The following SHISA9 variants were observed in gnomAD, a reference collection of about 807,000 sequenced individuals.
SHISA9 encodes protein shisa-9.
A neutral mutation model predicts 38.0 loss-of-function variants in SHISA9; 13 were observed. The ratio of observed to expected loss-of-function variants is 0.34; its 90% CI spans 0.22 to 0.54. SHISA9 has a LOEUF of 0.54. Among genes scored for constraint, SHISA9 ranks in the 20% least tolerant of loss-of-function variants. The pLI, the probability that SHISA9 is intolerant of heterozygous loss-of-function variation, is 0.91. For synonymous variants in SHISA9, 275 were observed against 242.0 expected (o/e 1.14, Z -1.27); for missense variants, 538 against 575.8 (o/e 0.93, Z 0.67).
chr16:12,963,167 C>T (rs982090668), intron 2 of SHISA9, among the ~76,000 whole-genome samples: 1 of 152,142 alleles, frequency 6.6e-6, no homozygotes, highest in Non-Finnish European at 1.5e-5. Flanking sequence ...ACTTTAAGTG[C>T]CATTTGTTCT....
chr16:13,449,941 C>T, the SHISA9 span, among the ~76,000 whole-genome samples: 15 of 152,162 alleles, frequency 9.9e-5, no homozygotes, highest in Non-Finnish European at 2.2e-4. Flanking sequence ...ATGGTGAAAC[C>T]CTGTCTCTAC....
At chr16:13,374,779 C>T in the SHISA9 span, among the ~76,000 whole-genome samples, 1 of 152,200 alleles carries the variant, frequency 6.6e-6, no homozygotes, top group Non-Finnish European at 1.5e-5. Flanking sequence ...TACAGTCCCA[C>T]CAACAGTGTA....
chr16:12,981,358 G>T (rs1269230063), intron 2 of SHISA9, among the ~76,000 whole-genome samples: 3 of 152,222 alleles, frequency 2.0e-5, no homozygotes, highest in African/African-American at 7.2e-5. Flanking sequence ...GTTTGCCCCA[G>T]GGCAATGGCA....
Position 13,105,595 on chromosome 16 carries a change from G to A in SHISA9, c.692-97799G>A, listed in dbSNP as rs751672277. On this transcript the variant is annotated intron_variant, in intron 2 of 4. Transcript: ENST00000558583. ...CTCCGGAGGAGGGAGGTCTTGGCCCGTGCCAGCAGGATGGCTATGAGTCTG... is the reference window on the plus strand; with the variant it reads ...CTCCGGAGGAGGGAGGTCTTGGCCCATGCCAGCAGGATGGCTATGAGTCTG... 5.9e-5 allele frequency among the ~76,000 whole-genome samples: 9 copies of A among 152,352 alleles called. No homozygotes were observed. The East Asian group carries it at 7.7e-4, about 13-fold the overall frequency.
At chr16:13,158,955 G>A (rs2050571637) in intron 2 of SHISA9, among the ~76,000 whole-genome samples, 1 of 149,644 alleles carries the variant, frequency 6.7e-6, no homozygotes, top group African/African-American at 2.5e-5. Flanking sequence ...AGCTACTCGC[G>A]AGGCTGAGGC....
intron 2 of SHISA9, among the ~76,000 whole-genome samples, chr16:13,117,097 C>T (rs142130698): frequency 0.018 from 2,729 of 152,228 alleles, 74 homozygotes; most frequent in African/African-American, 0.062. Context: ...CTCAGCCTCC[C>T]GAGTAGCTGG....
the SHISA9 span, among the ~76,000 whole-genome samples, chr16:13,489,943 T>C: frequency 1.0e-3 from 152 of 152,312 alleles, 1 homozygote; most frequent in Non-Finnish European, 1.7e-3. Context: ...ATTGCCTGTG[T>C]TGACACTGCA....
chr16:13,070,147 TGTGTGTGCAC>T (rs1004385307), intron 2 of SHISA9, among the ~76,000 whole-genome samples: 67 of 151,880 alleles, frequency 4.4e-4, no homozygotes, highest in African/African-American at 1.6e-3. Context: ...TGTGTGTGTG[TGTGTGTGCAC>T]GCATGTGTCT....
chr16:13,213,851 G>A (rs528371839), intron 4 of SHISA9, among the ~76,000 whole-genome samples: 4 of 152,302 alleles, frequency 2.6e-5, no homozygotes, highest in South Asian at 4.1e-4. Context: ...CCAGGTGGCA[G>A]CTATCATTAA....
chr16:13,144,421 G>A (rs1411381525), intron 2 of SHISA9, among the ~76,000 whole-genome samples: 1 of 152,024 alleles, frequency 6.6e-6, no homozygotes, highest in Non-Finnish European at 1.5e-5. Flanking sequence ...AAAGTGCTGG[G>A]ATTACAGGTG....
the SHISA9 span, among the ~76,000 whole-genome samples, chr16:13,260,065 G>A: frequency 8.4e-6 from 1 of 119,206 alleles, no homozygotes; most frequent in African/African-American, 3.3e-5. Context: ...CACCCAGGCT[G>A]GAGTGCAGTG....
chr16:13,057,940 T>TATTA (rs1395234022), intron 2 of SHISA9, among the ~76,000 whole-genome samples: 1 of 152,228 alleles, frequency 6.6e-6, no homozygotes, highest in African/African-American at 2.4e-5. Flanking sequence ...CTGAGGATAA[T>TATTA]GGCTTCAAGC....
At chr16:13,484,346 C>T in the SHISA9 span, among the ~76,000 whole-genome samples, 9 of 152,164 alleles carry the variant, frequency 5.9e-5, no homozygotes, top group African/African-American at 9.6e-5. Context: ...TTCACCTCTC[C>T]GAGCCTCGGT....
At chr16:13,321,114 G>C in the SHISA9 span, among the ~76,000 whole-genome samples, 1 of 152,136 alleles carries the variant, frequency 6.6e-6, no homozygotes, top group Non-Finnish European at 1.5e-5. Flanking sequence ...TTACTACATT[G>C]GACGGCACAT....
intron 2 of SHISA9, among the ~76,000 whole-genome samples, chr16:13,107,064 G>A (rs1042855446): frequency 6.6e-6 from 1 of 151,762 alleles, no homozygotes; most frequent in Non-Finnish European, 1.5e-5. Context: ...TTCGACAAAG[G>A]GGGTGTTTTA....
the SHISA9 span, among the ~76,000 whole-genome samples, chr16:13,311,042 A>T: frequency 2.6e-5 from 4 of 152,086 alleles, no homozygotes; most frequent in African/African-American, 4.8e-5. Flanking sequence ...GGATGATTTC[A>T]GGTTGTAAGC....
the SHISA9 span, among the ~76,000 whole-genome samples, chr16:13,414,283 A>G: frequency 6.6e-6 from 1 of 152,226 alleles, no homozygotes; most frequent in Admixed American, 6.5e-5. Flanking sequence ...CTGTTGTGAA[A>G]GCAGCATGAC....
chr16:13,481,915 A>G, the SHISA9 span, among the ~76,000 whole-genome samples: 5 of 152,248 alleles, frequency 3.3e-5, no homozygotes, highest in African/African-American at 1.2e-4. Flanking sequence ...GAGAACTCAT[A>G]CATACTTTGA....
At chr16:12,933,185 T>C (rs1367487794) in intron 2 of SHISA9, among the ~76,000 whole-genome samples, 2 of 152,226 alleles carry the variant, frequency 1.3e-5, no homozygotes, top group African/African-American at 2.4e-5. Context: ...ACTTTTATTC[T>C]TTTATATTCT....
Sources: allele counts gnomAD v4.1 joint callset (sites outside exome capture counted in the v4.1 genomes callset), GRCh38; gene constraint gnomAD v4.1.1; transcripts MANE v1.5; gene names NCBI Gene and HGNC (gene_info 2026-07-23, HGNC 2026-07-21).